CACNA1E: variants seen among roughly 807,000 people sequenced by gnomAD.
CACNA1E encodes the protein calcium voltage-gated channel subunit alpha1 E, also known as voltage-dependent R-type calcium channel subunit alpha-1E.
CACNA1E carries 40 observed loss-of-function variants against 259.2 expected under a neutral mutation model. That is an observed-to-expected ratio of 0.15 (90% CI 0.12 to 0.20). The LOEUF is 0.20. CACNA1E is among the 10% of genes least tolerant of loss of function. CACNA1E has a pLI of 1.00. For missense variants in CACNA1E, 1,874 were observed against 3,040.1 expected (o/e 0.62, Z 9.02); for synonymous variants, 1,104 against 1,138.5 (o/e 0.97, Z 0.61).
intron 4 of CACNA1E, 79 bp downstream of exon 4, chr1:181,577,948 TG>T (rs1651135398): frequency 1.1e-6 from 1 of 923,966 alleles, no homozygotes; most frequent in Non-Finnish European, 1.7e-6. Context: ...TAAGGGAATT[TG>T]GGATAAACAA....
chr1:181,549,475 C>T (rs1647884712), intron 3 of CACNA1E, among the ~76,000 whole-genome samples: 1 of 152,232 alleles, frequency 6.6e-6, no homozygotes, highest in African/African-American at 2.4e-5. Context: ...AATCATGCCA[C>T]AGACTGGCAG....
chr1:181,667,405 G>GA (rs1648341920), intron 7 of CACNA1E, among the ~76,000 whole-genome samples: 1 of 152,092 alleles, frequency 6.6e-6, no homozygotes, highest in African/African-American at 2.4e-5. Flanking sequence ...TTACTGACAT[G>GA]AATAATAGAA....
chr1:181,526,772 T>C (rs1470098507), intron 3 of CACNA1E, among the ~76,000 whole-genome samples: 1 of 152,198 alleles, frequency 6.6e-6, no homozygotes, highest in Non-Finnish European at 1.5e-5. Flanking sequence ...ATTTAACCTC[T>C]CATCCTCAAT....
At chr1:181,757,725 A>C (rs931291502) in intron 30 of CACNA1E, among the ~76,000 whole-genome samples, 1 of 152,138 alleles carries the variant, frequency 6.6e-6, no homozygotes, top group Non-Finnish European at 1.5e-5. Flanking sequence ...TTTAATAACC[A>C]TGAAGTCCCT....
intron 3 of CACNA1E, among the ~76,000 whole-genome samples, chr1:181,563,715 C>T (rs561861433): frequency 3.3e-5 from 5 of 152,180 alleles, no homozygotes; most frequent in Admixed American, 2.0e-4. Context: ...AAAGCTTGCA[C>T]ACTCTCCAAT....
chr1:181,666,416 T>C (rs1370728391), intron 7 of CACNA1E, among the ~76,000 whole-genome samples: 1 of 152,108 alleles, frequency 6.6e-6, no homozygotes, highest in African/African-American at 2.4e-5. Context: ...TAAGGACATA[T>C]ATTCTGATTT....
At chr1:181,715,297 G>A (rs367948281) in intron 8 of CACNA1E, 41 bp from the exon 9 acceptor site, 1 of 1,236,974 alleles carries the variant, frequency 8.1e-7, no homozygotes, top group Non-Finnish European at 1.2e-6. Context: ...GAATAATTTG[G>A]CATTTACAGA....
chr1:181,624,386 G>C (rs556146299), intron 6 of CACNA1E, among the ~76,000 whole-genome samples: 4 of 152,168 alleles, frequency 2.6e-5, no homozygotes, highest in Non-Finnish European at 5.9e-5. Context: ...AATGCTGTTT[G>C]GTAGCATTTT....
chr1:181,762,651 C>T lies in CACNA1E; in HGVS notation c.4683C>T (p.Asp1561=), dbSNP rs1329032874. The T allele has an allele frequency of 2.5e-6, 4 of 1,588,088 alleles. No homozygotes were observed. Among genetic ancestry groups the T allele is most frequent in the Non-Finnish European group, 3.4e-6 (4 of 1,159,596 alleles). The change falls in exon 33 of 48, where the codon GAC becomes GAT. Residue 1561 remains aspartate (D), a synonymous_variant. Coordinates refer to ENST00000367573, the MANE Select transcript of CACNA1E (RefSeq NM_001205293.3). ...IGSITEIILT[D]SKLVNTSGFN... ...GTATCACAGAAATTATCCTGACAGA[C>T]AGCAAGGTGAATGGCTTATAAGATC...
intron 3 of CACNA1E, among the ~76,000 whole-genome samples, chr1:181,568,911 C>G (rs77256078): frequency 6.6e-6 from 1 of 152,140 alleles, no homozygotes; most frequent in Non-Finnish European, 1.5e-5. Context: ...TGGCCCTCTT[C>G]GGACTCCTTA....
At chr1:181,576,221 CAG>C (rs1344165559) in intron 3 of CACNA1E, among the ~76,000 whole-genome samples, 1 of 152,238 alleles carries the variant, frequency 6.6e-6, no homozygotes, top group Non-Finnish European at 1.5e-5. Context: ...AACGTAGACT[CAG>C]AGAATCTTAA....
chr1:181,533,021 C>T (rs914310589), intron 3 of CACNA1E, among the ~76,000 whole-genome samples: 1 of 152,064 alleles, frequency 6.6e-6, no homozygotes, highest in African/African-American at 2.4e-5. Context: ...TTTGAGACTT[C>T]TTAATGTGTC....
chr1:181,458,829 CCA>C (rs1661621089), intron 2 of CACNA1E, among the ~76,000 whole-genome samples: 1 of 30,510 alleles, frequency 3.3e-5, no homozygotes, highest in African/African-American at 2.2e-4. Flanking sequence ...ATTTACCCAT[CCA>C]TCCATCCATC....
chr1:181,595,283 G>A (rs1477157039), intron 6 of CACNA1E, among the ~76,000 whole-genome samples: 4 of 152,126 alleles, frequency 2.6e-5, no homozygotes, highest in Non-Finnish European at 4.4e-5. Flanking sequence ...GTCCCCCACT[G>A]CCTCTGAAGG....
intron 21 of CACNA1E, among the ~76,000 whole-genome samples, chr1:181,734,277 A>T (rs1655817296): frequency 6.6e-6 from 1 of 151,416 alleles, no homozygotes; most frequent in African/African-American, 2.4e-5. Flanking sequence ...GCTCTTATCA[A>T]CTCTTTTTCT....
At chr1:181,737,857 C>T (rs574654369) in intron 23 of CACNA1E, among the ~76,000 whole-genome samples, 2 of 152,248 alleles carry the variant, frequency 1.3e-5, no homozygotes, top group South Asian at 4.1e-4. Flanking sequence ...AGGCTCTGCC[C>T]CAAACCGGCC....
intron 3 of CACNA1E, among the ~76,000 whole-genome samples, chr1:181,547,438 G>A (rs1647615221): frequency 6.6e-6 from 1 of 152,202 alleles, no homozygotes; most frequent in Non-Finnish European, 1.5e-5. Context: ...GATGACACGG[G>A]CTGGTGCATT....
intron 3 of CACNA1E, among the ~76,000 whole-genome samples, chr1:181,530,448 G>A (rs1393606592): frequency 6.6e-6 from 1 of 152,188 alleles, no homozygotes; most frequent in Non-Finnish European, 1.5e-5. Flanking sequence ...GTAGCTGACA[G>A]TTTGACTGTG....
intron 26 of CACNA1E, chr1:181,751,855 G>A (rs1327526829): frequency 1.8e-6 from 1 of 552,086 alleles, no homozygotes; most frequent in Non-Finnish European, 3.5e-6. Flanking sequence ...ATATGTGCAT[G>A]GATGCCTCTG....
Sources: allele counts gnomAD v4.1 joint callset (sites outside exome capture counted in the v4.1 genomes callset), GRCh38; gene constraint gnomAD v4.1.1; transcripts MANE v1.5; gene names NCBI Gene and HGNC (gene_info 2026-07-23, HGNC 2026-07-21).